ZBTB16: variants seen among roughly 807,000 people sequenced by gnomAD.
The protein encoded by ZBTB16 is zinc finger and BTB domain-containing protein 16.
Under a neutral mutation model 56.8 loss-of-function variants are expected in ZBTB16, and 8 were observed. The observed-to-expected ratio is 0.14, with a 90% confidence interval of 0.08 to 0.25. The LOEUF (loss-of-function observed/expected upper bound fraction) is 0.25, where lower values mean the gene tolerates loss of function less well. ZBTB16 is among the 10% of genes least tolerant of loss of function. ZBTB16 has a pLI of 1.00. For synonymous variants in ZBTB16, 363 were observed against 368.5 expected (o/e 0.98, Z 0.17); for missense variants, 625 against 903.0 (o/e 0.69, Z 3.95).
chr11:114,199,997 G>A (rs1480658328), intron 4 of ZBTB16, among the ~76,000 whole-genome samples: 7 of 151,856 alleles, frequency 4.6e-5, no homozygotes, highest in Admixed American at 6.6e-5. Flanking sequence ...GCTTGGTGGC[G>A]GGCACCTGTA....
chr11:114,086,252 A>G (rs187234439), intron 2 of ZBTB16, among the ~76,000 whole-genome samples: 1 of 152,256 alleles, frequency 6.6e-6, no homozygotes, highest in East Asian at 1.9e-4. Context: ...TTGGAACGGA[A>G]GTGCTTTTGT....
At position 114,148,457 on chromosome 11, in the gene ZBTB16, G is replaced by GTCTC. The variant is rs1282315613; in HGVS notation, c.1269-7868_1269-7865dup. On this transcript the variant is annotated intron_variant, in intron 2 of 6. Coordinates refer to ENST00000335953, the MANE Select transcript of ZBTB16 (RefSeq NM_006006.6). ...TCTCTTTCTCTCTCTCTGTCTGTCT[G>GTCTC]TCTCTCTCTCTCTCTTTCTTTCTTT... is the stretch of plus-strand genomic sequence containing the variant. Among the ~76,000 whole-genome samples, 19 of 59,878 alleles carry GTCTC rather than the reference G, an allele frequency of 3.2e-4. 1 individual carries two copies. Among genetic ancestry groups the GTCTC allele is most frequent in the African/African-American group, 5.7e-4 (10 of 17,664 alleles). 39.3% of individuals were successfully genotyped at this position (59,878 alleles called of 152,430 possible).
At chr11:114,200,021 G>T (rs1432406275) in intron 4 of ZBTB16, among the ~76,000 whole-genome samples, 1 of 151,942 alleles carries the variant, frequency 6.6e-6, no homozygotes, top group East Asian at 1.9e-4. Context: ...CCAGCTACTT[G>T]GGAGGCTGAG....
chr11:114,196,436 T>C (rs149040762), intron 4 of ZBTB16, among the ~76,000 whole-genome samples: 4 of 101,688 alleles, frequency 3.9e-5, no homozygotes, highest in African/African-American at 1.8e-4. Flanking sequence ...GTTCTGAGGC[T>C]GGGAAGCTTA....
Position 114,250,664 on chromosome 11 carries a change from A to G in ZBTB16, c.*109A>G. The G allele has an allele frequency of 8.1e-7, 1 of 1,238,572 alleles. No homozygotes were observed. The highest frequency in any genetic ancestry group is 1.1e-6 in the Non-Finnish European group (1 of 889,486). 76.7% of individuals were successfully genotyped at this position (1,238,572 alleles called of 1,614,324 possible). On this transcript the variant is annotated 3_prime_UTR_variant, in exon 7 of 7. Coordinates refer to ENST00000335953, the MANE Select transcript of ZBTB16 (RefSeq NM_006006.6). The surrounding 1 kb of genome is among the most constrained non-coding windows in gnomAD (Gnocchi z 6.0). ...AAAAGGAAAAGAAAAAAAAAAACAG[A>G]AGGAAAAGGAAACCTGGTAGCTTTT...
At chr11:114,102,678 G>A (rs561882069) in intron 2 of ZBTB16, among the ~76,000 whole-genome samples, 46 of 152,226 alleles carry the variant, frequency 3.0e-4, no homozygotes, top group African/African-American at 9.2e-4. Context: ...TAGCCCAGGC[G>A]TTGGTCCTGT....
chr11:114,242,488 G>T, intron 5 of ZBTB16, 151 bp downstream of exon 5: 1 of 1,162,908 alleles, frequency 8.6e-7, no homozygotes, highest in Non-Finnish European at 1.2e-6. Context: ...CGTCGTGCAG[G>T]TAAATGTGGA....
At chr11:114,242,108 TA>T in intron 4 of ZBTB16, 58 bp from the exon 5 acceptor site, 1 of 1,606,742 alleles carries the variant, frequency 6.2e-7, no homozygotes. Context: ...TCCAGATGGG[TA>T]AAGAATGCAC....
intron 2 of ZBTB16, among the ~76,000 whole-genome samples, chr11:114,117,925 G>A (rs1449240304): frequency 6.6e-6 from 1 of 152,160 alleles, no homozygotes; most frequent in Non-Finnish European, 1.5e-5. Flanking sequence ...GGAGAGCAGA[G>A]ATAGATATTT....
intron 2 of ZBTB16, among the ~76,000 whole-genome samples, chr11:114,130,080 A>G (rs536863487): frequency 9.8e-5 from 15 of 152,326 alleles, no homozygotes; most frequent in Admixed American, 9.2e-4. Flanking sequence ...AGGGAGGAGC[A>G]GGCTTTGTTT....
intron 2 of ZBTB16, among the ~76,000 whole-genome samples, chr11:114,115,160 C>T (rs1366706493): frequency 6.6e-6 from 1 of 152,156 alleles, no homozygotes; most frequent in Non-Finnish European, 1.5e-5. Flanking sequence ...GCCTGAGACA[C>T]TGGAGCCTTT....
At chr11:114,118,276 A>G (rs1941238510) in intron 2 of ZBTB16, among the ~76,000 whole-genome samples, 1 of 152,130 alleles carries the variant, frequency 6.6e-6, no homozygotes, top group Non-Finnish European at 1.5e-5. Flanking sequence ...TCCTGGGTTC[A>G]AGTTATTCTC....
At position 114,161,223 on chromosome 11, in the gene ZBTB16, G is replaced by A. The variant is rs187769551; in HGVS notation, c.1366+4789G>A. On this transcript the variant is annotated intron_variant, in intron 3 of 6. Coordinates refer to ENST00000335953, the MANE Select transcript of ZBTB16 (RefSeq NM_006006.6). ...TAGATTTCCCACAGCTTGGCTTAAC[G>A]TCCTGGTGGCTTATAAGTGAGCATG... is the stretch of plus-strand genomic sequence containing the variant. Among the ~76,000 whole-genome samples, 38 of 152,268 alleles carry A rather than the reference G, an allele frequency of 2.5e-4. No individual in the cohort carries two copies. In the East Asian group the frequency reaches 6.6e-3, roughly 26 times the overall value.
intron 4 of ZBTB16, among the ~76,000 whole-genome samples, chr11:114,231,117 T>G (rs370238): frequency 3.3e-5 from 5 of 152,090 alleles, no homozygotes; most frequent in Middle Eastern, 3.4e-3. Flanking sequence ...ATCTTTTACA[T>G]GTGAAGTATA....
chr11:114,168,674 C>T (rs543557840), intron 3 of ZBTB16, among the ~76,000 whole-genome samples: 1 of 152,330 alleles, frequency 6.6e-6, no homozygotes, highest in South Asian at 2.1e-4. Context: ...TATAGTATAG[C>T]ATGCTGCTAT....
chr11:114,227,426 T>TGAAGTCCA (rs2135163665), intron 4 of ZBTB16, among the ~76,000 whole-genome samples: 1 of 152,358 alleles, frequency 6.6e-6, no homozygotes, highest in South Asian at 2.1e-4. Context: ...ACAGAAGAGT[T>TGAAGTCCA]GAAGTCCAGA....
At chr11:114,120,520 A>T (rs1386446115) in intron 2 of ZBTB16, among the ~76,000 whole-genome samples, 101 of 152,128 alleles carry the variant, frequency 6.6e-4, no homozygotes, top group Non-Finnish European at 2.9e-5. Flanking sequence ...GGAAAGAAGG[A>T]AATCCTGACT....
In ZBTB16 at chr11:114,256,022, G is replaced by GTTTTT. The variant is rs61107073; in HGVS notation, c.*5475_*5479dup. Among the ~76,000 whole-genome samples, 2 of 143,108 alleles carry GTTTTT rather than the reference G, an allele frequency of 1.4e-5. No homozygotes were observed. 93.9% of individuals were successfully genotyped at this position (143,108 alleles called of 152,430 possible). A position where few individuals can be genotyped will look rare whatever the true frequency, so the allele number is the denominator to read the frequency against. On this transcript the variant is annotated 3_prime_UTR_variant, in exon 7 of 7. Transcript: ENST00000335953. ...TTATTGAAGTACTTGGTTTTGTTTT[G>GTTTTT]TTTTTTTTTTTTGTTTTTTTTGCCT...
Position 114,108,371 on chromosome 11 carries a change from C to T in ZBTB16, c.1268+43803C>T, listed in dbSNP as rs78889616. 6.4e-3 allele frequency among the ~76,000 whole-genome samples: 978 copies of T among 152,188 alleles called. 6 individuals are homozygous for T. Among genetic ancestry groups the T allele is most frequent in the Middle Eastern group, 0.027 (8 of 294 alleles). ...TTTTTCCTTTCTAAAAGGCTCAGTG[C>T]GAATCTGTGAGCCAGCTTCTATTAC... On this transcript the variant is annotated intron_variant, in intron 2 of 6. Transcript: ENST00000335953.
Sources: gnomAD v4.1 joint callset for allele counts (sites outside exome capture counted in the v4.1 genomes callset) on GRCh38, gnomAD v4.1.1 for gene constraint, Gnocchi (gnomAD v3.1) non-coding constraint, MANE v1.5 for transcripts, NCBI Gene and HGNC (gene_info 2026-07-23, HGNC 2026-07-21) for gene names.